Variants in PTPRG observed in about 807,000 individuals in gnomAD.
PTPRG encodes the protein receptor-type tyrosine-protein phosphatase gamma.
In PTPRG, 102 loss-of-function variants were observed where a neutral mutation model predicts 165.3. The observed-to-expected ratio is 0.62, with a 90% CI of 0.53 to 0.73. The LOEUF is 0.73. Among genes scored for constraint, PTPRG ranks in the 30% least tolerant of loss-of-function variants. PTPRG has a pLI of 0.00. For missense variants in PTPRG, 1,866 were observed against 1,861.4 expected, an observed-to-expected ratio of 1.00 and a Z score of -0.05; for synonymous variants, 675 against 669.5, an observed-to-expected ratio of 1.01 and a Z score of -0.13.
intron 8 of PTPRG, among the ~76,000 whole-genome samples, chr3:62,179,875 T>C (rs1335579022): frequency 2.6e-5 from 4 of 152,166 alleles, no homozygotes; most frequent in African/African-American, 9.7e-5. Flanking sequence ...TGAAATGAGG[T>C]TGGAACCCAA....
intron 2 of PTPRG, among the ~76,000 whole-genome samples, chr3:61,839,250 A>T (rs1257712660): frequency 6.6e-6 from 1 of 152,218 alleles, no homozygotes; most frequent in African/African-American, 2.4e-5. Context: ...AATAGCTCTT[A>T]AGTTGATTAC....
intron 2 of PTPRG, among the ~76,000 whole-genome samples, chr3:61,797,591 AC>A (rs1009754096): frequency 6.9e-5 from 5 of 72,902 alleles, no homozygotes; most frequent in Non-Finnish European, 1.1e-4. Context: ...ACCCCCCCCC[AC>A]CCCCCCACCT....
chr3:62,013,757 G>A (rs2041480279), intron 4 of PTPRG, among the ~76,000 whole-genome samples: 2 of 151,622 alleles, frequency 1.3e-5, no homozygotes, highest in South Asian at 4.2e-4. Flanking sequence ...TTATTGAAAA[G>A]GCTTCACTTA....
chr3:62,135,531 A>T (rs1217685066), intron 6 of PTPRG, among the ~76,000 whole-genome samples: 1 of 151,706 alleles, frequency 6.6e-6, no homozygotes, highest in African/African-American at 2.4e-5. Context: ...TTTCTCATTA[A>T]TTTTTTTTTA....
Position 61,625,073 on chromosome 3 carries a change from AT to A in PTPRG, c.85+62705del, listed in dbSNP as rs547156445. Among the ~76,000 whole-genome samples the A allele has an allele frequency of 1.6e-3, 239 of 151,166 alleles. 1 individual carries two copies. Among genetic ancestry groups the A allele is most frequent in the African/African-American group, 5.6e-3 (229 of 41,138 alleles). On this transcript the variant is annotated intron_variant, in intron 1 of 29. Transcript: ENST00000474889. Reference sequence around the variant, plus strand: ...CCTTTACGCATATCTCTGTGTTCATATTTTCTCTCTTTTCAAGGACATCAGC... The same window carrying A: ...CCTTTACGCATATCTCTGTGTTCATATTTCTCTCTTTTCAAGGACATCAGC...
chr3:62,006,041 A>C (rs1400695763), intron 4 of PTPRG, among the ~76,000 whole-genome samples: 1 of 152,074 alleles, frequency 6.6e-6, no homozygotes, highest in East Asian at 1.9e-4. Context: ...GCTTTTGATG[A>C]ATATTTCAGT....
At chr3:62,065,801 G>A (rs986333905) in intron 4 of PTPRG, among the ~76,000 whole-genome samples, 1 of 152,146 alleles carries the variant, frequency 6.6e-6, no homozygotes, top group Non-Finnish European at 1.5e-5. Flanking sequence ...CTCAGGAACA[G>A]AAGAGCTCTT....
At chr3:62,239,333 T>C (rs183403959) in intron 14 of PTPRG, among the ~76,000 whole-genome samples, 95 of 151,804 alleles carry the variant, frequency 6.3e-4, no homozygotes, top group Middle Eastern at 3.4e-3. Flanking sequence ...AAATTCTTTT[T>C]TTTCTTTCTT....
At chr3:62,277,406 A>G in intron 25 of PTPRG, 145 bp from the exon 26 acceptor site, 1 of 913,544 alleles carries the variant, frequency 1.1e-6, no homozygotes, top group Non-Finnish European at 1.6e-6. Context: ...TACATCTAAA[A>G]ATTAGCCAAA....
intron 2 of PTPRG, among the ~76,000 whole-genome samples, chr3:61,854,884 C>T (rs2037057859): frequency 6.6e-6 from 1 of 152,074 alleles, no homozygotes; most frequent in Non-Finnish European, 1.5e-5. Flanking sequence ...TTGCATATTA[C>T]AATTTTGAAT....
intron 5 of PTPRG, among the ~76,000 whole-genome samples, chr3:62,116,471 A>G (rs1702873404): frequency 6.6e-6 from 1 of 152,222 alleles, no homozygotes; most frequent in Non-Finnish European, 1.5e-5. Context: ...ATATTTTCAC[A>G]TAATGGTATT....
At chr3:62,110,842 T>A (rs894285845) in intron 5 of PTPRG, among the ~76,000 whole-genome samples, 2 of 152,200 alleles carry the variant, frequency 1.3e-5, no homozygotes, top group African/African-American at 4.8e-5. Flanking sequence ...TTCTCTGTAA[T>A]CAAGGAAAAT....
intron 1 of PTPRG, among the ~76,000 whole-genome samples, chr3:61,568,203 T>G (rs1310375994): frequency 2.6e-5 from 4 of 152,232 alleles, no homozygotes; most frequent in African/African-American, 4.8e-5. Flanking sequence ...AAACCTGTAT[T>G]TACGTCTCCT....
At chr3:61,875,448 T>C (rs2037709796) in intron 2 of PTPRG, among the ~76,000 whole-genome samples, 2 of 152,186 alleles carry the variant, frequency 1.3e-5, no homozygotes, top group Non-Finnish European at 2.9e-5. Flanking sequence ...GGCTACTCGA[T>C]TAATCAGTTA....
intron 2 of PTPRG, among the ~76,000 whole-genome samples, chr3:61,854,968 A>G (rs1475494934): frequency 6.6e-6 from 1 of 152,150 alleles, no homozygotes; most frequent in Non-Finnish European, 1.5e-5. Flanking sequence ...TAATTTTTCT[A>G]GTAGAGGGAA....
chr3:61,802,933 T>G (rs559861556), intron 2 of PTPRG, among the ~76,000 whole-genome samples: 43 of 152,346 alleles, frequency 2.8e-4, no homozygotes, highest in African/African-American at 9.9e-4. Flanking sequence ...AGGCACCTGG[T>G]AGGTTCATCT....
chr3:62,110,278 A>G (rs1032341738), intron 5 of PTPRG, among the ~76,000 whole-genome samples: 2 of 151,994 alleles, frequency 1.3e-5, no homozygotes, highest in African/African-American at 4.8e-5. Flanking sequence ...GTGCTAAGAG[A>G]GAAGCCACCT....
intron 4 of PTPRG, among the ~76,000 whole-genome samples, chr3:62,048,522 A>C (rs530666598): frequency 6.6e-6 from 1 of 152,346 alleles, no homozygotes; most frequent in East Asian, 1.9e-4. Context: ...ACCTCTTGTA[A>C]AATCAGGATG....
intron 2 of PTPRG, among the ~76,000 whole-genome samples, chr3:61,933,586 T>C (rs1226759204): frequency 2.6e-5 from 4 of 152,224 alleles, no homozygotes; most frequent in Non-Finnish European, 1.5e-5. Context: ...ATTATTACCA[T>C]GTCACTCCTC....
Sources: gnomAD v4.1 joint callset for allele counts (sites outside exome capture counted in the v4.1 genomes callset) on GRCh38, gnomAD v4.1.1 for gene constraint, MANE v1.5 for transcripts, NCBI Gene and HGNC (gene_info 2026-07-23, HGNC 2026-07-21) for gene names.